The following MMP16 variants were observed in gnomAD, a reference collection of about 807,000 sequenced individuals.
MMP16 encodes matrix metallopeptidase 16.
A neutral mutation model predicts 67.8 loss-of-function variants in MMP16; 12 were observed. That is an observed-to-expected ratio of 0.18 (90% CI 0.11 to 0.29). The LOEUF is 0.29. Among genes scored for constraint, MMP16 ranks in the 10% least tolerant of loss-of-function variants. MMP16 has a pLI of 1.00. For missense variants in MMP16, 475 were observed against 765.7 expected, an observed-to-expected ratio of 0.62 and a Z score of 4.48; for synonymous variants, 249 against 255.9, an observed-to-expected ratio of 0.97 and a Z score of 0.26.
intron 4 of MMP16, among the ~76,000 whole-genome samples, chr8:88,139,673 C>T (rs999469835): frequency 8.6e-5 from 13 of 151,852 alleles, no homozygotes; most frequent in African/African-American, 2.9e-4. Context: ...TTTTATATAG[C>T]CATTAATTAC....
At chr8:88,263,002 C>T (rs529491137) in intron 1 of MMP16, among the ~76,000 whole-genome samples, 27 of 150,758 alleles carry the variant, frequency 1.8e-4, no homozygotes, top group African/African-American at 6.6e-4. Flanking sequence ...TCCAGCCTGG[C>T]GACAGAGCAA....
rs532693878 is a variant in MMP16, at chr8:88,291,655, T to C, written c.132+35420A>G. Reference sequence around the variant, plus strand: ...CTTGAGTAGAAAAATATAATTGAGGTGAACAAATTAATAAAAGCTGCAAGT... The same window carrying C: ...CTTGAGTAGAAAAATATAATTGAGGCGAACAAATTAATAAAAGCTGCAAGT... On this transcript the variant is annotated intron_variant, in intron 1 of 9. Coordinates refer to ENST00000286614, the MANE Select transcript of MMP16 (RefSeq NM_005941.5). 2.0e-5 allele frequency among the ~76,000 whole-genome samples: 3 copies of C among 152,050 alleles called. No individual in the cohort carries two copies. In the South Asian group the frequency reaches 6.2e-4, roughly 32 times the overall value.
In MMP16 at chr8:88,142,055, C is replaced by A. The variant is rs532657538; in HGVS notation, c.710-23194G>T. 1.2e-3 allele frequency among the ~76,000 whole-genome samples: 185 copies of A among 151,792 alleles called. 3 individuals carry two copies. Among genetic ancestry groups the A allele is most frequent in the Admixed American group, 7.4e-3 (112 of 15,224 alleles). ...GTCTCAGCCTCCCAAGTAGCTGGGA[C>A]TTAGGCGCACAGCTAATTTTTTTTT... On this transcript the variant is annotated intron_variant, in intron 4 of 9. Coordinates refer to ENST00000286614, the MANE Select transcript of MMP16 (RefSeq NM_005941.5).
chr8:88,173,375 T>C (rs1211967120), intron 3 of MMP16, among the ~76,000 whole-genome samples: 1 of 152,140 alleles, frequency 6.6e-6, no homozygotes, highest in Non-Finnish European at 1.5e-5. Flanking sequence ...TTGATACCTT[T>C]TTAAAGTATT....
chr8:88,288,229 C>T (rs987947862), intron 1 of MMP16, among the ~76,000 whole-genome samples: 3 of 152,196 alleles, frequency 2.0e-5, no homozygotes, highest in Non-Finnish European at 2.9e-5. Flanking sequence ...AAGACAATTC[C>T]CTTTATGCTT....
chr8:88,115,329 G>T (rs1055474563), intron 6 of MMP16, among the ~76,000 whole-genome samples: 4 of 151,988 alleles, frequency 2.6e-5, no homozygotes, highest in Admixed American at 6.6e-5. Flanking sequence ...TCAAAAGTAA[G>T]ATTTTCTTTA....
intron 3 of MMP16, among the ~76,000 whole-genome samples, chr8:88,174,826 C>G (rs1808860634): frequency 6.6e-6 from 1 of 151,422 alleles, no homozygotes. Context: ...ACAATCTCGG[C>G]TCACTGCAAC....
At chr8:88,275,620 T>C (rs541427056) in intron 1 of MMP16, among the ~76,000 whole-genome samples, 5 of 151,916 alleles carry the variant, frequency 3.3e-5, no homozygotes, top group South Asian at 4.2e-4. Context: ...AATAATACCA[T>C]TGTGAATATT....
At chr8:88,118,219 T>A (rs1470188925) in intron 5 of MMP16, among the ~76,000 whole-genome samples, 1 of 152,070 alleles carries the variant, frequency 6.6e-6, no homozygotes, top group East Asian at 1.9e-4. Context: ...TTCTTGCATC[T>A]ATCACATAAG....
intron 6 of MMP16, among the ~76,000 whole-genome samples, chr8:88,086,590 G>C (rs951950188): frequency 5.3e-5 from 8 of 151,812 alleles, no homozygotes; most frequent in Non-Finnish European, 8.8e-5. Context: ...TATGAGCTGG[G>C]AAAACAGTGT....
intron 1 of MMP16, among the ~76,000 whole-genome samples, chr8:88,309,757 T>A (rs533553550): frequency 6.6e-6 from 1 of 152,118 alleles, no homozygotes; most frequent in Non-Finnish European, 1.5e-5. Flanking sequence ...GTATTCTCTG[T>A]TTTTATCCTG....
intron 1 of MMP16, among the ~76,000 whole-genome samples, chr8:88,319,635 C>A (rs932571809): frequency 6.6e-6 from 1 of 152,126 alleles, no homozygotes; most frequent in Non-Finnish European, 1.5e-5. Context: ...TGACATCATT[C>A]GGGGTCTGAC....
chr8:88,189,994 C>A (rs564653821), intron 2 of MMP16, among the ~76,000 whole-genome samples: 1 of 152,056 alleles, frequency 6.6e-6, no homozygotes, highest in Admixed American at 6.6e-5. Context: ...CTGATCATTT[C>A]GACAATCCTA....
chr8:88,235,256 G>A (rs1024985064), intron 1 of MMP16, among the ~76,000 whole-genome samples: 10 of 152,066 alleles, frequency 6.6e-5, no homozygotes, highest in Middle Eastern at 3.4e-3. Flanking sequence ...GCCAGGCATG[G>A]TGGTGCATGC....
intron 1 of MMP16, among the ~76,000 whole-genome samples, chr8:88,273,038 A>G (rs774630728): frequency 6.6e-6 from 1 of 152,076 alleles, no homozygotes; most frequent in Non-Finnish European, 1.5e-5. Flanking sequence ...AAAAAAAGAA[A>G]AAAAAAAAGG....
At position 88,034,065 on chromosome 8, in the gene MMP16, T is replaced by A. The variant is rs1405945374; in HGVS notation, c.*7396A>T. ...TCAGGGGAATAGCTCTATAAAAAGTTAGAAAAGCCAATGAGAGAGGTTGGG... is the reference window on the plus strand; with the variant it reads ...TCAGGGGAATAGCTCTATAAAAAGTAAGAAAAGCCAATGAGAGAGGTTGGG... On this transcript the variant is annotated 3_prime_UTR_variant, in exon 10 of 10. Transcript: ENST00000286614. 6.6e-6 allele frequency: 1 copy of A among 151,962 alleles called. No individual in the cohort carries two copies. The highest frequency in any genetic ancestry group is 1.5e-5 in the Non-Finnish European group (1 of 67,918). The allele number at this position is 151,962 out of a possible 1,614,324, so 9.4% of individuals were successfully genotyped here. A position where few individuals can be genotyped will look rare whatever the true frequency, so the allele number is the denominator to read the frequency against.
At chr8:88,299,158 C>T (rs558770673) in intron 1 of MMP16, among the ~76,000 whole-genome samples, 69 of 152,196 alleles carry the variant, frequency 4.5e-4, no homozygotes, top group Non-Finnish European at 8.2e-4. Flanking sequence ...CACTCTGGAA[C>T]GACACATGCA....
At chr8:88,178,011 GA>G (rs966527122) in intron 3 of MMP16, among the ~76,000 whole-genome samples, 13 of 143,402 alleles carry the variant, frequency 9.1e-5, no homozygotes, top group Admixed American at 1.4e-4. Flanking sequence ...AGGAGACAAA[GA>G]AAAAAAAAAG....
intron 1 of MMP16, 85 bp downstream of exon 1, chr8:88,326,990 A>C: frequency 6.4e-7 from 1 of 1,569,188 alleles, no homozygotes; most frequent in African/African-American, 1.3e-5. Context: ...GGCTGCTCTG[A>C]GCTACAAGGA....
Sources: gnomAD v4.1 joint callset for allele counts (sites outside exome capture counted in the v4.1 genomes callset) on GRCh38, gnomAD v4.1.1 for gene constraint, MANE v1.5 for transcripts, NCBI Gene and HGNC (gene_info 2026-07-23, HGNC 2026-07-21) for gene names.